Variants in ASIC2 observed in about 807,000 individuals in gnomAD.
The protein encoded by ASIC2 is acid-sensing ion channel 2.
A neutral mutation model predicts 57.3 loss-of-function variants in ASIC2; 25 were observed. The ratio of observed to expected loss-of-function variants is 0.44; its 90% CI spans 0.32 to 0.61. ASIC2 has a LOEUF of 0.61. ASIC2 is among the 20% of genes least tolerant of loss of function. ASIC2 has a pLI of 0.06. For synonymous variants in ASIC2, 319 were observed against 307.5 expected (o/e 1.04, Z -0.39); for missense variants, 641 against 738.1 (o/e 0.87, Z 1.52).
At chr17:33,671,749 C>G (rs1004032391) in intron 1 of ASIC2, among the ~76,000 whole-genome samples, 4 of 152,192 alleles carry the variant, frequency 2.6e-5, no homozygotes, top group Non-Finnish European at 4.4e-5. Context: ...GTCAGTGTCT[C>G]TATGGCCTGG....
chr17:33,933,764 G>C (rs756547372), intron 1 of ASIC2, among the ~76,000 whole-genome samples: 1 of 152,224 alleles, frequency 6.6e-6, no homozygotes, highest in African/African-American at 2.4e-5. Context: ...GGTCTCACTC[G>C]TTCATACTCC....
chr17:33,930,460 T>G (rs2141970931), intron 1 of ASIC2, among the ~76,000 whole-genome samples: 1 of 152,290 alleles, frequency 6.6e-6, no homozygotes, highest in South Asian at 2.1e-4. Flanking sequence ...TCTCAGTGGC[T>G]GAGATGTTAG....
intron 1 of ASIC2, among the ~76,000 whole-genome samples, chr17:33,559,735 T>A (rs1486962115): frequency 1.3e-5 from 2 of 152,208 alleles, no homozygotes; most frequent in Non-Finnish European, 2.9e-5. Flanking sequence ...TGACCCCTTA[T>A]TGCTTTGAAG....
At chr17:33,510,480 CA>C (rs969819363) in intron 1 of ASIC2, among the ~76,000 whole-genome samples, 35 of 151,870 alleles carry the variant, frequency 2.3e-4, no homozygotes, top group African/African-American at 7.5e-4. Context: ...CCCATCTCTA[CA>C]AAAACTAAAC....
intron 1 of ASIC2, among the ~76,000 whole-genome samples, chr17:33,387,956 T>A (rs1909746485): frequency 6.6e-6 from 1 of 152,060 alleles, no homozygotes; most frequent in Non-Finnish European, 1.5e-5. Context: ...GGTGCGCACC[T>A]GTAATCCCAG....
chr17:33,415,522 G>C (rs1163514637), intron 1 of ASIC2, among the ~76,000 whole-genome samples: 1 of 136,938 alleles, frequency 7.3e-6, no homozygotes, highest in Non-Finnish European at 1.6e-5. Context: ...GAGAGTCTTT[G>C]GATTTTTCTG....
chr17:33,310,219 G>T (rs1906352788), intron 1 of ASIC2, among the ~76,000 whole-genome samples: 1 of 151,774 alleles, frequency 6.6e-6, no homozygotes, highest in African/African-American at 2.4e-5. Context: ...ATGCTTGGGG[G>T]CAGGGCAAAG....
chr17:34,152,697 T>C (rs992774443), intron 1 of ASIC2, among the ~76,000 whole-genome samples: 1 of 152,222 alleles, frequency 6.6e-6, no homozygotes. Context: ...ACATGTTAGA[T>C]GACCAAGTCG....
At chr17:33,835,015 T>C (rs971388926) in intron 1 of ASIC2, among the ~76,000 whole-genome samples, 14 of 152,244 alleles carry the variant, frequency 9.2e-5, no homozygotes, top group Non-Finnish European at 1.5e-5. Flanking sequence ...ATTGAGTCTT[T>C]GCCATATGCC....
At chr17:33,736,373 T>G (rs945171826) in intron 1 of ASIC2, among the ~76,000 whole-genome samples, 5 of 152,162 alleles carry the variant, frequency 3.3e-5, no homozygotes, top group Admixed American at 2.0e-4. Context: ...TATTTTATCA[T>G]GCAGACATTT....
At chr17:33,497,133 T>G (rs1014163990) in intron 1 of ASIC2, among the ~76,000 whole-genome samples, 9 of 152,312 alleles carry the variant, frequency 5.9e-5, no homozygotes, top group Non-Finnish European at 7.3e-5. Context: ...TCAAAATAGG[T>G]AGTGGGCATG....
chr17:33,995,114 C>A (rs1906116201), intron 1 of ASIC2, among the ~76,000 whole-genome samples: 1 of 152,138 alleles, frequency 6.6e-6, no homozygotes, highest in Non-Finnish European at 1.5e-5. Context: ...AAATCCCACA[C>A]AACACCAGGC....
intron 1 of ASIC2, among the ~76,000 whole-genome samples, chr17:33,799,455 T>TTTCTTTCTTTCTTTC (rs1912056605): frequency 9.1e-6 from 1 of 109,614 alleles, no homozygotes; most frequent in African/African-American, 3.4e-5. Context: ...TCTTTCTTTC[T>TTTCTTTCTTTCTTTC]TTCTTTCTTT....
At chr17:33,345,481 G>T (rs1319109419) in intron 1 of ASIC2, among the ~76,000 whole-genome samples, 1 of 152,150 alleles carries the variant, frequency 6.6e-6, no homozygotes, top group Non-Finnish European at 1.5e-5. Context: ...AGAAAAAAAA[G>T]ACAATATGGA....
chr17:33,460,878 G>A (rs548550061), intron 1 of ASIC2, among the ~76,000 whole-genome samples: 1 of 152,332 alleles, frequency 6.6e-6, no homozygotes, highest in South Asian at 2.1e-4. Context: ...CTGTGCAACT[G>A]TAGTATTCTA....
intron 1 of ASIC2, among the ~76,000 whole-genome samples, chr17:33,143,075 G>T (rs535575545): frequency 1.3e-5 from 2 of 152,314 alleles, no homozygotes; most frequent in African/African-American, 2.4e-5. Flanking sequence ...GATGTGATTG[G>T]TTCTACCTGT....
rs538310548 is a variant in ASIC2 at position 33,189,580 on chromosome 17, CATAAAG to C, written c.709-77519_709-77514del. Among the ~76,000 whole-genome samples, 48 of 151,932 alleles carry C rather than the reference CATAAAG, an allele frequency of 3.2e-4. No homozygotes were observed. In the South Asian group the frequency reaches 7.1e-3, roughly 22 times the overall value. On this transcript the variant is annotated intron_variant, in intron 1 of 9. Transcript: ENST00000225823. ...ACTATAGGCAAGATCTGACTTTAGG[CATAAAG>C]ATAAAGATAAAAGTGAAAGGATGCT...
chr17:33,909,230 C>T (rs1294138574), intron 1 of ASIC2, among the ~76,000 whole-genome samples: 1 of 152,204 alleles, frequency 6.6e-6, no homozygotes, highest in African/African-American at 2.4e-5. Context: ...ATTCCTGTAA[C>T]AAGAGGAGCT....
intron 1 of ASIC2, among the ~76,000 whole-genome samples, chr17:33,364,917 CA>C (rs1908747682): frequency 6.6e-6 from 1 of 152,178 alleles, no homozygotes; most frequent in Non-Finnish European, 1.5e-5. Flanking sequence ...TCCAACTCCG[CA>C]GTCAAGTATC....
Sources: gnomAD v4.1 joint callset for allele counts (sites outside exome capture counted in the v4.1 genomes callset) on GRCh38, gnomAD v4.1.1 for gene constraint, MANE v1.5 for transcripts, NCBI Gene and HGNC (gene_info 2026-07-23, HGNC 2026-07-21) for gene names.